The following ADAM9 variants were observed in gnomAD, a reference collection of about 807,000 sequenced individuals.
The protein encoded by ADAM9 is disintegrin and metalloproteinase domain-containing protein 9.
A neutral mutation model predicts 108.1 loss-of-function variants in ADAM9; 54 were observed. The ratio of observed to expected loss-of-function variants is 0.50; its 90% confidence interval spans 0.40 to 0.63. The LOEUF (loss-of-function observed/expected upper bound fraction) is 0.63, where lower values mean the gene tolerates loss of function less well. ADAM9 is among the 20% of genes least tolerant of loss of function. The probability of loss-of-function intolerance (pLI) is 0.00; values close to 1 mark genes in which losing one functional copy is unlikely to be tolerated. For missense variants in ADAM9, 830 were observed against 997.7 expected (o/e 0.83, Z 2.26); for synonymous variants, 316 against 336.0 (o/e 0.94, Z 0.65).
At chr8:39,050,258 T>G (rs377157945) in intron 12 of ADAM9, among the ~76,000 whole-genome samples, 1 of 152,298 alleles carries the variant, frequency 6.6e-6, no homozygotes, top group African/African-American at 2.4e-5. Context: ...TTCTTCTTAC[T>G]TAAGGTTCTT....
intron 19 of ADAM9, 73 bp from the exon 20 acceptor site, chr8:39,091,186 G>A (rs1010962315): frequency 1.4e-6 from 2 of 1,404,338 alleles, no homozygotes; most frequent in Non-Finnish European, 2.0e-6. Context: ...TTGGGAAAAT[G>A]CAAAATGTGT....
At chr8:39,085,727 C>A (rs1839161885) in intron 18 of ADAM9, among the ~76,000 whole-genome samples, 1 of 152,066 alleles carries the variant, frequency 6.6e-6, no homozygotes, top group Non-Finnish European at 1.5e-5. Flanking sequence ...CCGTATATGT[C>A]TTTTTCTAAT....
intron 14 of ADAM9, among the ~76,000 whole-genome samples, chr8:39,068,839 A>ACTGTGC (rs1358678558): frequency 6.6e-6 from 1 of 151,892 alleles, no homozygotes; most frequent in Non-Finnish European, 1.5e-5. Context: ...TGTGCCTGTT[A>ACTGTGC]CTGTGCCTGG....
At chr8:39,002,106 A>G (rs1836013565) in intron 1 of ADAM9, among the ~76,000 whole-genome samples, 1 of 151,646 alleles carries the variant, frequency 6.6e-6, no homozygotes, top group Middle Eastern at 3.2e-3. Context: ...TCGAAATAAT[A>G]GTGCTTTGTA....
At position 39,045,074 on chromosome 8, in the gene ADAM9, GTGTGTGTGCATACATACATA is replaced by G. The variant is rs1837606631; in HGVS notation, c.1302+2966_1302+2985del. Among the ~76,000 whole-genome samples, 2 of 25,798 alleles carry G rather than the reference GTGTGTGTGCATACATACATA, an allele frequency of 7.8e-5. 1 individual carries two copies. Among genetic ancestry groups the G allele is most frequent in the African/African-American group, 6.1e-4 (2 of 3,268 alleles). 16.9% of individuals were successfully genotyped at this position (25,798 alleles called of 152,430 possible). On this transcript the variant is annotated intron_variant, in intron 12 of 21. Transcript: ENST00000487273. ...TATGTGTGTGTGCATACATACATAT[GTGTGTGTGCATACATACATA>G]TGTGTGTGTGCATACATACATATGT... is the stretch of plus-strand genomic sequence containing the variant.
intron 20 of ADAM9, among the ~76,000 whole-genome samples, chr8:39,100,548 C>G (rs944709182): frequency 6.6e-5 from 10 of 151,836 alleles, no homozygotes; most frequent in Non-Finnish European, 1.2e-4. Context: ...CACCTCACCA[C>G]ATTGTCATTC....
At chr8:39,089,133 C>T (rs191768788) in intron 18 of ADAM9, among the ~76,000 whole-genome samples, 86 of 152,212 alleles carry the variant, frequency 5.7e-4, no homozygotes, top group Non-Finnish European at 5.9e-5. Context: ...CCTGTAATCC[C>T]AGCTACTCGG....
chr8:39,030,836 C>T (rs1837074733), intron 11 of ADAM9, among the ~76,000 whole-genome samples: 1 of 152,230 alleles, frequency 6.6e-6, no homozygotes, highest in African/African-American at 2.4e-5. Flanking sequence ...TTACATTTCC[C>T]TGATGACATA....
At chr8:39,023,045 T>G in intron 8 of ADAM9, 111 bp from the exon 9 acceptor site, 1 of 992,154 alleles carries the variant, frequency 1.0e-6, no homozygotes, top group Non-Finnish European at 1.5e-6. Flanking sequence ...AAAGATAGTT[T>G]TTTTTAGGCA....
At chr8:38,999,818 C>A (rs1040693786) in intron 1 of ADAM9, among the ~76,000 whole-genome samples, 1 of 152,124 alleles carries the variant, frequency 6.6e-6, no homozygotes, top group Non-Finnish European at 1.5e-5. Flanking sequence ...TATGGAATCC[C>A]CCAAAAGATG....
Position 39,103,593 on chromosome 8 carries a change from T to C in ADAM9, c.2367-14T>C. 6.2e-7 allele frequency: 1 copy of C among 1,612,532 alleles called. No homozygotes were observed. The highest frequency in any genetic ancestry group is 2.2e-5 in the East Asian group (1 of 44,866). On this transcript the variant is annotated splice_polypyrimidine_tract_variant and intron_variant, in intron 21 of 21. Coordinates refer to ENST00000487273, the MANE Select transcript of ADAM9 (RefSeq NM_003816.3). ...GTCTAAACACTCTATTAACTATCTCTTTTCCCCTCGCAGGCCACCTCCACC... is the reference window on the plus strand; with the variant it reads ...GTCTAAACACTCTATTAACTATCTCCTTTCCCCTCGCAGGCCACCTCCACC...
Position 39,103,083 on chromosome 8 carries a change from A to G in ADAM9, c.2367-524A>G, listed in dbSNP as rs375620388. Among the ~76,000 whole-genome samples, 175 of 152,332 alleles carry G rather than the reference A, an allele frequency of 1.1e-3. 2 individuals carry two copies. The highest frequency in any genetic ancestry group is 0.01 in the Middle Eastern group (3 of 294). ...GGTAGTGTTCTAGTGTTACTGGAGT[A>G]GAGGTGTACTAGAATTGGATGATGA... On this transcript the variant is annotated intron_variant, in intron 21 of 21. Coordinates refer to ENST00000487273, the MANE Select transcript of ADAM9 (RefSeq NM_003816.3).
chr8:39,045,260 ATATGTG>A, intron 12 of ADAM9, among the ~76,000 whole-genome samples: 1 of 146,620 alleles, frequency 6.8e-6, no homozygotes, highest in African/African-American at 2.5e-5. Flanking sequence ...ATATGTGTAT[ATATGTG>A]TATACATACA....
intron 11 of ADAM9, among the ~76,000 whole-genome samples, chr8:39,033,484 T>C (rs1481150067): frequency 7.2e-5 from 11 of 151,992 alleles, no homozygotes; most frequent in Admixed American, 7.2e-4. Context: ...TTTTTTAGCA[T>C]TGACAGTGTG....
chr8:39,104,945 T>C lies in ADAM9; in HGVS notation c.*1245T>C, dbSNP rs1487829152. 7.0e-6 allele frequency: 3 copies of C among 431,324 alleles called. No homozygotes were observed. Among genetic ancestry groups the C allele is most frequent in the Admixed American group, 5.5e-5 (2 of 36,352 alleles). The allele number at this position is 431,324 out of a possible 1,614,324, so 26.7% of individuals were successfully genotyped here. A position where few individuals can be genotyped will look rare whatever the true frequency, so the allele number is the denominator to read the frequency against. On this transcript the variant is annotated 3_prime_UTR_variant, in exon 22 of 22. Transcript: ENST00000487273. The stretch of plus-strand genomic sequence containing the variant: ...GTTTTTTAAAAGTGTTTTTGGTTTG[T>C]GTATATATACATATACAAATACAAC...
Position 39,042,000 on chromosome 8 carries a change from A to G in ADAM9, c.1185A>G (p.Leu395=), listed in dbSNP as rs112914766. ...CSAEDFEKLT[L]NKGGNCLLNI... ...CAGAGGACTTTGAGAAGTTAACTTT[A>G]AATAAAGGAGGAAACTGCCTTCTTA... is the stretch of plus-strand genomic sequence containing the variant. Residue 395 remains leucine, a synonymous_variant, in exon 12 of 22, where the codon TTA becomes TTG. Coordinates refer to ENST00000487273, the MANE Select transcript of ADAM9 (RefSeq NM_003816.3). The G allele has an allele frequency of 1.2e-6, 2 of 1,614,108 alleles. No individual in the cohort carries two copies. The highest frequency in any genetic ancestry group is 3.3e-5 in the Admixed American group (2 of 60,018).
rs1249196473 is a variant in ADAM9 at position 39,104,773 on chromosome 8, A to G, written c.*1073A>G. Reference sequence around the variant, plus strand: ...ATACCTACAAAAAAGTTACTGTGGTATCTATGAGTTATCATCTTAGCTGTG... The same window carrying G: ...ATACCTACAAAAAAGTTACTGTGGTGTCTATGAGTTATCATCTTAGCTGTG... On this transcript the variant is annotated 3_prime_UTR_variant, in exon 22 of 22. Transcript: ENST00000487273. 2 of 453,812 alleles carry G rather than the reference A, an allele frequency of 4.4e-6. No homozygotes were observed. The highest frequency in any genetic ancestry group is 8.8e-6 in the Non-Finnish European group (2 of 226,656). 28.1% of individuals were successfully genotyped at this position (453,812 alleles called of 1,614,324 possible). A position where few individuals can be genotyped will look rare whatever the true frequency, so the allele number is the denominator to read the frequency against.
chr8:39,086,046 G>C (rs1839170663), intron 18 of ADAM9, among the ~76,000 whole-genome samples: 1 of 150,272 alleles, frequency 6.7e-6, no homozygotes. Flanking sequence ...ACAGAGTCTT[G>C]CTCTATCACC....
intron 1 of ADAM9, among the ~76,000 whole-genome samples, chr8:39,007,614 T>A (rs755817624): frequency 2.0e-5 from 3 of 152,262 alleles, no homozygotes; most frequent in African/African-American, 4.8e-5. Context: ...CTAAAAATGT[T>A]TGAAATGATT....
Sources: gnomAD v4.1 joint callset for allele counts (sites outside exome capture counted in the v4.1 genomes callset) on GRCh38, gnomAD v4.1.1 for gene constraint, MANE v1.5 for transcripts, NCBI Gene and HGNC (gene_info 2026-07-23, HGNC 2026-07-21) for gene names.